The following TICRR variants were observed in gnomAD, a reference collection of about 807,000 sequenced individuals.
TICRR encodes the protein TOPBP1 interacting checkpoint and replication regulator, also known as treslin.
A neutral mutation model predicts 178.1 loss-of-function variants in TICRR; 132 were observed. The ratio of observed to expected loss-of-function variants is 0.74; its 90% CI spans 0.64 to 0.86. The LOEUF (loss-of-function observed/expected upper bound fraction) is 0.86. TICRR is among the 40% of genes least tolerant of loss of function. The pLI is 0.00. For synonymous variants in TICRR, 991 were observed against 900.7 expected (o/e 1.10, Z -1.79); for missense variants, 2,587 against 2,334.3 (o/e 1.11, Z -2.23).
rs779719934 is a variant in TICRR, at chr15:89,592,128, C to A, written c.1493C>A (p.Pro498His). Residue 498 changes from proline to histidine, a missense_variant, in exon 5 of 22, where the codon CCT (proline) becomes CAT (histidine). Pro to His is a moderately conservative substitution (Grantham distance 77). Transcript: ENST00000268138. Reference protein sequence around the residue: ...WSPAVVEKWFPFCNISGASSD... With the variant: ...WSPAVVEKWFHFCNISGASSD... Reference sequence around the variant, plus strand: ...CCAGCTGTTGTGGAAAAGTGGTTTCCTTTCTGTAACATCAGTGGTGCCAGT... The same window carrying A: ...CCAGCTGTTGTGGAAAAGTGGTTTCATTTCTGTAACATCAGTGGTGCCAGT... 1 of 1,612,914 alleles carries A rather than the reference C, an allele frequency of 6.2e-7. No individual in the cohort carries two copies. Among genetic ancestry groups the A allele is most frequent in the Non-Finnish European group, 8.5e-7 (1 of 1,178,954 alleles).
Position 89,594,544 on chromosome 15 carries a change from C to T in TICRR, c.1671C>T (p.Ser557=). The T allele has an allele frequency of 6.3e-7, 1 of 1,595,410 alleles. No individual in the cohort carries two copies. Among genetic ancestry groups the T allele is most frequent in the Non-Finnish European group, 8.5e-7 (1 of 1,171,108 alleles). ...EESTIAHQED[S]KKKRGVPRTP... ...CCACTATAGCTCATCAAGAAGACAG[C>T]AAAAAGAAACGTATGTACCTAGAAA... The change falls in exon 6 of 22, where the codon AGC becomes AGT. Residue 557 remains serine (S), a synonymous_variant. Coordinates refer to ENST00000268138, the MANE Select transcript of TICRR (RefSeq NM_152259.4).
chr15:89,610,156 A>G (rs987462322), intron 15 of TICRR, among the ~76,000 whole-genome samples: 16 of 152,210 alleles, frequency 1.1e-4, no homozygotes, highest in East Asian at 3.8e-4. Flanking sequence ...CATTTGGTCT[A>G]TCCTGGAGAA....
chr15:89,606,710 T>C (rs1963180560), intron 13 of TICRR, 58 bp from the exon 14 acceptor site: 3 of 1,371,176 alleles, frequency 2.2e-6, no homozygotes, highest in Non-Finnish European at 2.1e-6. Context: ...AAATCTTTAT[T>C]CTTTTATTTC....
chr15:89,599,194 C>A, intron 7 of TICRR, 130 bp from the exon 8 acceptor site: 1 of 622,758 alleles, frequency 1.6e-6, no homozygotes, highest in Non-Finnish European at 2.6e-6. Context: ...CACCATCAGT[C>A]ATGACAATCC....
intron 13 of TICRR, 59 bp downstream of exon 13, chr15:89,602,951 C>G: frequency 2.2e-6 from 2 of 902,354 alleles, no homozygotes; most frequent in Middle Eastern, 2.4e-4. Flanking sequence ...GGCAGTGTCC[C>G]TACTTTTAGG....
At chr15:89,587,032 C>T (rs1962835045) in intron 4 of TICRR, among the ~76,000 whole-genome samples, 1 of 152,138 alleles carries the variant, frequency 6.6e-6, no homozygotes, top group African/African-American at 2.4e-5. Flanking sequence ...TTACAATAAT[C>T]CAGGCAAGAG....
chr15:89,585,892 A>C lies in TICRR; in HGVS notation c.1361A>C (p.Asp454Ala). The C allele has an allele frequency of 6.2e-7, 1 of 1,614,140 alleles. No homozygotes were observed. Among genetic ancestry groups the C allele is most frequent in the Non-Finnish European group, 8.5e-7 (1 of 1,180,030 alleles). The part of the protein sequence containing the change: ...DTASLFSDVV[D>A]SILNQTHDSL... ...GCTTCCCTTTTCTCAGATGTTGTGG[A>C]TAGTATATTGAATCAGACTCATGAT... Residue 454 changes from aspartate to alanine, a missense_variant, in exon 4 of 22, where the codon GAT (aspartate) becomes GCT (alanine). Asp to Ala is a moderately radical substitution (Grantham distance 126, BLOSUM62 -2). Coordinates refer to ENST00000268138, the MANE Select transcript of TICRR (RefSeq NM_152259.4).
rs1242345929 is a variant in TICRR at position 89,582,895 on chromosome 15, G to A, written c.864G>A (p.Leu288=). The A allele has an allele frequency of 7.4e-6, 12 of 1,614,058 alleles. No individual in the cohort carries two copies. The highest frequency in any genetic ancestry group is 1.0e-5 in the Non-Finnish European group (12 of 1,180,012). Residue 288 remains leucine (L), a synonymous_variant, in exon 2 of 22, where the codon TTG becomes TTA. Transcript: ENST00000268138. ...CAACTGATGCCACTTTAAACCGTTTGCTCTACAATTCTCCTGAGTATGAGG... is the reference window on the plus strand; with the variant it reads ...CAACTGATGCCACTTTAAACCGTTTACTCTACAATTCTCCTGAGTATGAGG... ...MLPTDATLNR[L]LYNSPEYEAS...
chr15:89,616,469 G>C lies in TICRR; in HGVS notation c.2934G>C (p.Arg978Ser). ...CAGTGCATAAGCAGATCTCCAAAAG[G>C]CTGCTGCACAGACAAATCAAGGGCA... ...ETPVHKQISK[R>S]LLHRQIKGRS... The change falls in exon 16 of 22, where the codon AGG becomes AGC. Residue 978 changes from arginine to serine, a missense_variant. Coordinates refer to ENST00000268138, the MANE Select transcript of TICRR (RefSeq NM_152259.4). 6.2e-7 allele frequency: 1 copy of C among 1,613,966 alleles called. No homozygotes were observed. Among genetic ancestry groups the C allele is most frequent in the Non-Finnish European group, 8.5e-7 (1 of 1,179,898 alleles).
chr15:89,591,002 T>C (rs1962902304), intron 4 of TICRR, among the ~76,000 whole-genome samples: 1 of 152,148 alleles, frequency 6.6e-6, no homozygotes, highest in African/African-American at 2.4e-5. Flanking sequence ...AAGAGAGCCT[T>C]CTACCCTCAC....
At chr15:89,600,417 A>G (rs181826079) in intron 8 of TICRR, among the ~76,000 whole-genome samples, 168 bp from the exon 9 acceptor site, 189 of 152,332 alleles carry the variant, frequency 1.2e-3, no homozygotes, top group Non-Finnish European at 2.3e-3. Flanking sequence ...AACTTTTACC[A>G]TGTTCTTTTT....
chr15:89,576,101 C>T lies in TICRR; in HGVS notation c.515C>T (p.Ser172Phe), dbSNP rs1962609386. Residue 172 changes from serine (S) to phenylalanine (F), a missense_variant, in exon 1 of 22, where the codon TCT (serine) becomes TTT (phenylalanine). Coordinates refer to ENST00000268138, the MANE Select transcript of TICRR (RefSeq NM_152259.4). ...CAGAGGGAGCTGCTGCAGTTCGTGTCTGGGTGCGAGGCCCAGGCCCAGCGC... is the reference window on the plus strand; with the variant it reads ...CAGAGGGAGCTGCTGCAGTTCGTGTTTGGGTGCGAGGCCCAGGCCCAGCGC... ...HSQRELLQFV[S>F]GCEAQAQRLP... 6.2e-7 allele frequency: 1 copy of T among 1,611,816 alleles called. No homozygotes were observed. The highest frequency in any genetic ancestry group is 8.5e-7 in the Non-Finnish European group (1 of 1,179,968).
In TICRR at chr15:89,591,697, C is replaced by T. The variant is rs112946484; in HGVS notation, c.1412-350C>T. 4.3e-4 allele frequency: 67 copies of T among 155,388 alleles called. 1 individual carries two copies. Among genetic ancestry groups the T allele is most frequent in the Middle Eastern group, 6.4e-3 (2 of 312 alleles). 9.6% of individuals were successfully genotyped at this position (155,388 alleles called of 1,614,324 possible). On this transcript the variant is annotated intron_variant, in intron 4 of 21. Transcript: ENST00000268138. The stretch of plus-strand genomic sequence containing the variant: ...CTCATGAGCCAAGATCGTGCTGTTG[C>T]ACTCCAGCCTGGGCAAGAGCGAAAC...
rs570032191 is a variant in TICRR, at chr15:89,592,273, C to T, written c.1541+97C>T. On this transcript the variant is annotated intron_variant, in intron 5 of 21. Transcript: ENST00000268138. Reference sequence around the variant, plus strand: ...ACAGACCACATTCTCTGAGTATAGTCTAATAATATTAAAAAGTAGTTACAA... The same window carrying T: ...ACAGACCACATTCTCTGAGTATAGTTTAATAATATTAAAAAGTAGTTACAA... 29 of 975,540 alleles carry T rather than the reference C, an allele frequency of 3.0e-5. No homozygotes were observed. In the South Asian group the frequency reaches 3.8e-4, roughly 13 times the overall value. 60.4% of individuals were successfully genotyped at this position (975,540 alleles called of 1,614,324 possible). A position where few individuals can be genotyped will look rare whatever the true frequency, so the allele number is the denominator to read the frequency against.
chr15:89,624,913 C>G lies in TICRR; in HGVS notation c.4603C>G (p.Gln1535Glu). ...VHCTTDGRQC[Q>E]ASAQLDNLPA... is the part of the protein sequence containing the mutation. ...CTGTACCACAGATGGGAGACAGTGC[C>G]AGGCTTCGGCACAACTAGACAACCT... is the stretch of plus-strand genomic sequence containing the variant. The change falls in exon 20 of 22, where the codon CAG becomes GAG. Residue 1535 changes from glutamine (Q) to glutamate (E), a missense_variant. By Grantham distance (29) the Gln-to-Glu change is conservative. Coordinates refer to ENST00000268138, the MANE Select transcript of TICRR (RefSeq NM_152259.4). 1.2e-6 allele frequency: 2 copies of G among 1,614,100 alleles called. No individual in the cohort carries two copies. The highest frequency in any genetic ancestry group is 1.7e-6 in the Non-Finnish European group (2 of 1,180,010).
chr15:89,624,745 A>C lies in TICRR; in HGVS notation c.4435A>C (p.Lys1479Gln). The change falls in exon 20 of 22, where the codon AAA (lysine) becomes CAA (glutamine). Residue 1479 changes from lysine to glutamine, a missense_variant. By Grantham distance (53) the Lys-to-Gln change is moderately conservative. Coordinates refer to ENST00000268138, the MANE Select transcript of TICRR (RefSeq NM_152259.4). ...EAEHHGIGDLKSNVLSVEEGE... is the reference protein window; with the variant it reads ...EAEHHGIGDLQSNVLSVEEGE... ...CGAACACCATGGCATTGGTGACTTG[A>C]AAAGTAACGTCTTATCAGTGGAAGA... 6.2e-7 allele frequency: 1 copy of C among 1,614,180 alleles called. No individual in the cohort carries two copies. Among genetic ancestry groups the C allele is most frequent in the Non-Finnish European group, 8.5e-7 (1 of 1,180,044 alleles).
At chr15:89,623,083 C>T (rs544114516) in intron 19 of TICRR, among the ~76,000 whole-genome samples, 13 of 152,324 alleles carry the variant, frequency 8.5e-5, no homozygotes, top group Non-Finnish European at 1.8e-4. Context: ...CGTATTTTTG[C>T]AAGAAGGCAG....
chr15:89,590,993 A>G (rs1390029203), intron 4 of TICRR, among the ~76,000 whole-genome samples: 1 of 152,178 alleles, frequency 6.6e-6, no homozygotes, highest in Non-Finnish European at 1.5e-5. Context: ...GCTTATTTTA[A>G]GAGAGCCTTC....
At chr15:89,577,247 AGTACATTCTTGC>A (rs60492115) in intron 1 of TICRR, among the ~76,000 whole-genome samples, 152,083 of 152,094 alleles carry the variant, frequency 1, 76,036 homozygotes, top group Middle Eastern at 1. Context: ...TGACTAAATG[AGTACATTCTTGC>A]GTACATTCTT....
Sources: gnomAD v4.1 joint callset for allele counts (sites outside exome capture counted in the v4.1 genomes callset) on GRCh38, gnomAD v4.1.1 for gene constraint, MANE v1.5 for transcripts, NCBI Gene and HGNC (gene_info 2026-07-23, HGNC 2026-07-21) for gene names.